TRPM7: variants seen among roughly 807,000 people sequenced by gnomAD.
The protein encoded by TRPM7 is transient receptor potential cation channel subfamily M member 7.
Under a neutral mutation model 229.7 loss-of-function variants are expected in TRPM7, and 134 were observed. That is an observed-to-expected ratio of 0.58 (90% confidence interval 0.51 to 0.67). The LOEUF (loss-of-function observed/expected upper bound fraction) is 0.67, where lower values mean the gene tolerates loss of function less well. Ranked by LOEUF, TRPM7 falls within the 30% of genes least tolerant of loss-of-function variation. TRPM7 has a pLI of 0.00. For missense variants in TRPM7, 1,901 were observed against 2,210.0 expected, an observed-to-expected ratio of 0.86 and a Z score of 2.80; for synonymous variants, 699 against 715.2, an observed-to-expected ratio of 0.98 and a Z score of 0.36.
At chr15:50,679,538 A>ATTTTTTTTTTTTT (rs58783893) in intron 1 of TRPM7, among the ~76,000 whole-genome samples, 1 of 43,894 alleles carries the variant, frequency 2.3e-5, no homozygotes, top group Non-Finnish European at 3.8e-5. Flanking sequence ...ATATATATAT[A>ATTTTTTTTTTTTT]TTTTTTTTTT....
intron 2 of TRPM7, 86 bp from the exon 3 acceptor site, chr15:50,657,905 A>G (rs2061618634): frequency 4.0e-6 from 4 of 1,009,754 alleles, no homozygotes; most frequent in African/African-American, 1.7e-5. Context: ...AATACAAAAC[A>G]AAAAAAATTA....
At chr15:50,624,112 A>G (rs2060494208) in intron 12 of TRPM7, 54 bp downstream of exon 12, 2 of 1,534,240 alleles carry the variant, frequency 1.3e-6, no homozygotes, top group African/African-American at 1.4e-5. Context: ...CAGGTAAAGT[A>G]ACATTTCCCA....
chr15:50,674,771 T>C (rs1404692506), intron 1 of TRPM7, among the ~76,000 whole-genome samples: 1 of 152,168 alleles, frequency 6.6e-6, no homozygotes, highest in South Asian at 2.1e-4. Context: ...CCTTCATTTC[T>C]AAAGGAGAGC....
At chr15:50,568,111 CA>C (rs57093955) in intron 38 of TRPM7, among the ~76,000 whole-genome samples, 1,172 of 81,416 alleles carry the variant, frequency 0.014, 10 homozygotes, top group South Asian at 0.058. Context: ...GACTCTGTCT[CA>C]AAAAAAAAAA....
At chr15:50,575,262 T>C (rs1465920736) in intron 33 of TRPM7, 127 bp from the exon 34 acceptor site, 3 of 712,806 alleles carry the variant, frequency 4.2e-6, no homozygotes, top group East Asian at 2.8e-5. Context: ...TGTAGTTTTA[T>C]ACAAAGAAAT....
In TRPM7 at chr15:50,637,468, C is replaced by G; in HGVS notation, c.786G>C (p.Leu262=). 2 of 1,613,378 alleles carry G rather than the reference C, an allele frequency of 1.2e-6. No individual in the cohort carries two copies. The highest frequency in any genetic ancestry group is 1.7e-6 in the Non-Finnish European group (2 of 1,179,862). ...TAATAGTTTTTTCAAGTTCTCTTCT[C>G]AGTCTGACTTCCGCCCCATACTTTC... The part of the protein sequence containing the change: ...TVGKYGAEVR[L]RRELEKTINQ... Residue 262 remains leucine (L), a synonymous_variant, in exon 7 of 39, where the codon CTG becomes CTC. Coordinates refer to ENST00000646667, the MANE Select transcript of TRPM7 (RefSeq NM_017672.6).
At chr15:50,653,907 T>C (rs1036626181) in intron 3 of TRPM7, among the ~76,000 whole-genome samples, 3 of 152,134 alleles carry the variant, frequency 2.0e-5, no homozygotes, top group Admixed American at 1.3e-4. Flanking sequence ...ATAGCAGTTT[T>C]AGTTCAGCGT....
chr15:50,600,140 A>G (rs906181658), intron 21 of TRPM7, among the ~76,000 whole-genome samples: 1 of 152,220 alleles, frequency 6.6e-6, no homozygotes, highest in African/African-American at 2.4e-5. Flanking sequence ...AGACAATATA[A>G]AAAAGTGAAT....
intron 1 of TRPM7, among the ~76,000 whole-genome samples, chr15:50,679,686 C>T (rs984631716): frequency 1.5e-4 from 23 of 150,756 alleles, no homozygotes; most frequent in Non-Finnish European, 3.2e-4. Flanking sequence ...CAGGCGCACA[C>T]CATCACGTCC....
intron 7 of TRPM7, among the ~76,000 whole-genome samples, chr15:50,634,903 A>C (rs938495156): frequency 1.3e-5 from 2 of 152,212 alleles, no homozygotes; most frequent in African/African-American, 4.8e-5. Flanking sequence ...TCTTGACGTG[A>C]AATGTAAACA....
At chr15:50,599,465 T>C (rs889993669) in intron 21 of TRPM7, 169 bp from the exon 22 acceptor site, 5 of 490,692 alleles carry the variant, frequency 1.0e-5, no homozygotes, top group Admixed American at 3.7e-5. Flanking sequence ...CATCACTATA[T>C]AAATCTTAAC....
chr15:50,595,011 C>T (rs576798642), intron 23 of TRPM7, among the ~76,000 whole-genome samples: 1 of 152,042 alleles, frequency 6.6e-6, no homozygotes, highest in African/African-American at 2.4e-5. Context: ...CAAGACGAGC[C>T]TGGGCACCAT....
intron 28 of TRPM7, 151 bp from the exon 29 acceptor site, chr15:50,583,310 C>T (rs1440267625): frequency 2.1e-6 from 1 of 467,056 alleles, no homozygotes; most frequent in Non-Finnish European, 3.8e-6. Flanking sequence ...TTACATGAGG[C>T]CCATAAATTA....
rs1337712571 is a variant in TRPM7 at position 50,643,349 on chromosome 15, C to A, written c.526G>T (p.Val176Leu). The A allele has an allele frequency of 6.2e-7, 1 of 1,613,270 alleles. No individual in the cohort carries two copies. The stretch of plus-strand genomic sequence containing the variant: ...ATAATCATCACATTACCTGTGTTTA[C>A]TCCTCCAGTTAAAATCCAGGCTCCA... ...TTGAWILTGG[V>L]NTGVAKHVGD... The change falls in exon 5 of 39, where the codon GTA becomes TTA. Residue 176 changes from valine (V) to leucine (L), a missense_variant. Coordinates refer to ENST00000646667, the MANE Select transcript of TRPM7 (RefSeq NM_017672.6).
Position 50,561,543 on chromosome 15 carries a change from T to TA in TRPM7, c.*134dup. Reference sequence around the variant, plus strand: ...TCAGGTCAAAAGAATATTGACCTTTTAACTGTGCTGGAGTCAGCAAATTCA... The same window carrying TA: ...TCAGGTCAAAAGAATATTGACCTTTTAAACTGTGCTGGAGTCAGCAAATTCA... On this transcript the variant is annotated 3_prime_UTR_variant, in exon 39 of 39. Transcript: ENST00000646667. The TA allele has an allele frequency of 1.1e-6, 1 of 929,208 alleles. No individual in the cohort carries two copies. The highest frequency in any genetic ancestry group is 2.7e-5 in the East Asian group (1 of 36,862). The allele number at this position is 929,208 out of a possible 1,614,324, so 57.6% of individuals were successfully genotyped here. A position where few individuals can be genotyped will look rare whatever the true frequency, so the allele number is the denominator to read the frequency against.
chr15:50,673,932 T>C (rs551386851), intron 1 of TRPM7, among the ~76,000 whole-genome samples: 24 of 152,208 alleles, frequency 1.6e-4, no homozygotes, highest in African/African-American at 5.3e-4. Flanking sequence ...CTATTATTTG[T>C]TGTTTTATGT....
At position 50,607,256 on chromosome 15, in the gene TRPM7, G is replaced by C. The variant is rs1359218511; in HGVS notation, c.2653C>G (p.Gln885Glu). The change falls in exon 20 of 39, where the codon CAA becomes GAA. Residue 885 changes from glutamine (Q) to glutamate (E), a missense_variant. This residue lies in a region of TRPM7 where 207 missense variants were observed against 241.5 expected (regional missense o/e 0.86). Transcript: ENST00000646667. ...LVQMEQLPSV[Q>E]EWIVIAYIFT... ...ATATAAGCAATAACAATCCATTCTT[G>C]AACTGAAGGTAACTGTTCCATTTGT... 8 of 1,609,864 alleles carry C rather than the reference G, an allele frequency of 5.0e-6. No homozygotes were observed. Among genetic ancestry groups the C allele is most frequent in the South Asian group, 1.1e-5 (1 of 90,066 alleles).
chr15:50,601,459 T>C (rs997012410), intron 21 of TRPM7, among the ~76,000 whole-genome samples: 1 of 152,098 alleles, frequency 6.6e-6, no homozygotes, highest in Non-Finnish European at 1.5e-5. Context: ...CTGGCCAATA[T>C]GGTGAAACCC....
chr15:50,655,577 GA>G lies in TRPM7; in HGVS notation c.122+2203del, dbSNP rs377164118. ...CATGCTGCTGAAAACCAAAGGAATA[GA>G]AAAAAAAAATATTTAAAGTAGCTAG... On this transcript the variant is annotated intron_variant, in intron 3 of 38. Coordinates refer to ENST00000646667, the MANE Select transcript of TRPM7 (RefSeq NM_017672.6). 8.9e-3 allele frequency among the ~76,000 whole-genome samples: 1,324 copies of G among 148,492 alleles called. 20 individuals carry two copies. The highest frequency in any genetic ancestry group is 0.03 in the African/African-American group (1,224 of 40,478).
Sources: gnomAD v4.1 joint callset for allele counts (sites outside exome capture counted in the v4.1 genomes callset) on GRCh38, gnomAD v4.1.1 for gene constraint, gnomAD v4.1.1 regional missense constraint, MANE v1.5 for transcripts, NCBI Gene and HGNC (gene_info 2026-07-23, HGNC 2026-07-21) for gene names.